Variants in ACTL8 observed in about 807,000 individuals in gnomAD.
The protein encoded by ACTL8 is actin-like protein 8.
A neutral mutation model predicts 9.3 loss-of-function variants in ACTL8; 3 were observed. The observed-to-expected ratio is 0.32, with a 90% CI of 0.15 to 0.83. The LOEUF (loss-of-function observed/expected upper bound fraction) is 0.83, where lower values mean the gene tolerates loss of function less well. ACTL8 is among the 40% of genes least tolerant of loss of function. The pLI is 0.57. For synonymous variants in ACTL8, 224 were observed against 205.9 expected (o/e 1.09, Z -0.75); for missense variants, 381 against 492.2 (o/e 0.77, Z 2.14).
chr1:17,797,890 T>G lies in ACTL8; in HGVS notation c.-24-25095T>G, dbSNP rs532503447. On this transcript the variant is annotated intron_variant, in intron 1 of 2. Transcript: ENST00000375406. ...GCCAATGTTCCTGGCAGGGGCTGGG[T>G]ACAGGGCAGGGGAGCAGGAAATCTG... 2.1e-4 allele frequency among the ~76,000 whole-genome samples: 32 copies of G among 152,162 alleles called. No homozygotes were observed. The South Asian group carries it at 6.4e-3, about 31-fold the overall frequency.
chr1:17,799,907 C>G (rs960312535), intron 1 of ACTL8, among the ~76,000 whole-genome samples: 2 of 151,564 alleles, frequency 1.3e-5, no homozygotes, highest in Non-Finnish European at 2.9e-5. Flanking sequence ...TCTTCACACA[C>G]AGGAGGTTCT....
chr1:17,811,010 G>A (rs758641628), intron 1 of ACTL8, among the ~76,000 whole-genome samples: 13 of 152,164 alleles, frequency 8.5e-5, no homozygotes, highest in Non-Finnish European at 1.5e-4. Flanking sequence ...ATAGGAATAG[G>A]ATTACTTGTT....
chr1:17,791,332 A>G (rs1276066880), intron 1 of ACTL8, among the ~76,000 whole-genome samples: 9 of 152,214 alleles, frequency 5.9e-5, no homozygotes, highest in East Asian at 1.9e-4. Context: ...TGCTGCCATC[A>G]CCTTGATACC....
chr1:17,772,772 A>G (rs1435629491), intron 1 of ACTL8, among the ~76,000 whole-genome samples: 1 of 152,156 alleles, frequency 6.6e-6, no homozygotes, highest in African/African-American at 2.4e-5. Flanking sequence ...CTCTGGAGCT[A>G]CAGGGACCCA....
chr1:17,809,804 A>G (rs746886975), intron 1 of ACTL8, among the ~76,000 whole-genome samples: 1 of 152,082 alleles, frequency 6.6e-6, no homozygotes, highest in African/African-American at 2.4e-5. Flanking sequence ...TTGTATAATT[A>G]TTTCATTGTA....
At chr1:17,755,914 T>C (rs2065966490) in intron 1 of ACTL8, among the ~76,000 whole-genome samples, 1 of 149,316 alleles carries the variant, frequency 6.7e-6, no homozygotes, top group South Asian at 2.1e-4. Flanking sequence ...GATATGGGGG[T>C]CTCTTTTTGG....
intron 1 of ACTL8, among the ~76,000 whole-genome samples, chr1:17,765,263 A>G (rs1321000857): frequency 1.3e-5 from 2 of 152,214 alleles, no homozygotes; most frequent in Admixed American, 6.5e-5. Flanking sequence ...GGCCAAGTGT[A>G]CTAAAGAGTA....
chr1:17,822,503 G>T (rs906569442), intron 1 of ACTL8, among the ~76,000 whole-genome samples: 18 of 152,180 alleles, frequency 1.2e-4, no homozygotes, highest in African/African-American at 4.3e-4. Context: ...CTAATACAAT[G>T]CCTGCTTCTG....
rs2053686779 is a variant in ACTL8, at chr1:17,823,844, C to A, written c.348+488C>A. 6.6e-6 allele frequency among the ~76,000 whole-genome samples: 1 copy of A among 152,198 alleles called. No individual in the cohort carries two copies. The stretch of plus-strand genomic sequence containing the variant: ...TAAGCAGGGGAGCTCACGGAGGCCC[C>A]ACCTGCAGACGGACATGCAGCAACC... On this transcript the variant is annotated intron_variant, in intron 2 of 2. Transcript: ENST00000375406. This position sits in a 1 kb window ranked among gnomAD's most constrained non-coding sequence, Gnocchi z 5.3.
chr1:17,820,702 G>C (rs1421441257), intron 1 of ACTL8, among the ~76,000 whole-genome samples: 2 of 151,970 alleles, frequency 1.3e-5, no homozygotes, highest in African/African-American at 4.8e-5. Context: ...CCAGTAGCTG[G>C]GATTACAGGT....
At chr1:17,821,894 G>A (rs1570048120) in intron 1 of ACTL8, among the ~76,000 whole-genome samples, 2 of 152,274 alleles carry the variant, frequency 1.3e-5, no homozygotes, top group African/African-American at 4.8e-5. Context: ...CCAAAGTGCT[G>A]AGATTACATG....
At chr1:17,785,374 G>C (rs948650134) in intron 1 of ACTL8, among the ~76,000 whole-genome samples, 1 of 152,216 alleles carries the variant, frequency 6.6e-6, no homozygotes, top group African/African-American at 2.4e-5. Flanking sequence ...CACTTGGTGA[G>C]CCATGTTGAC....
intron 1 of ACTL8, among the ~76,000 whole-genome samples, chr1:17,766,553 G>A (rs950953758): frequency 1.3e-5 from 2 of 152,192 alleles, no homozygotes; most frequent in Non-Finnish European, 2.9e-5. Context: ...AACCTTGGGC[G>A]CTGACAGCCT....
intron 1 of ACTL8, among the ~76,000 whole-genome samples, chr1:17,769,459 T>C (rs1569996975): frequency 6.6e-6 from 1 of 152,052 alleles, no homozygotes; most frequent in East Asian, 1.9e-4. Context: ...TTCTAGACTT[T>C]CCTTCCAGAC....
At chr1:17,822,114 A>T (rs966739993) in intron 1 of ACTL8, among the ~76,000 whole-genome samples, 8 of 152,186 alleles carry the variant, frequency 5.3e-5, no homozygotes, top group Non-Finnish European at 4.4e-5. Context: ...ATCAGGTGTT[A>T]GATGCTTAGC....
At chr1:17,760,017 A>G (rs576175250) in intron 1 of ACTL8, among the ~76,000 whole-genome samples, 1 of 152,294 alleles carries the variant, frequency 6.6e-6, no homozygotes, top group East Asian at 1.9e-4. Context: ...AGTGATGCCC[A>G]TTGTGCATAC....
intron 1 of ACTL8, among the ~76,000 whole-genome samples, chr1:17,812,427 C>CTTTTTTTT (rs141182523): frequency 1.6e-5 from 2 of 122,420 alleles, no homozygotes; most frequent in African/African-American, 3.1e-5. Flanking sequence ...ATTTTTTTTC[C>CTTTTTTTT]TTTTTTTTTT....
At chr1:17,788,451 C>T (rs1440206340) in intron 1 of ACTL8, among the ~76,000 whole-genome samples, 2 of 152,226 alleles carry the variant, frequency 1.3e-5, no homozygotes, top group Non-Finnish European at 2.9e-5. Context: ...ATGCCCTCAG[C>T]CCTCGGAGCA....
At chr1:17,788,256 CTG>C (rs1279035206) in intron 1 of ACTL8, among the ~76,000 whole-genome samples, 1 of 152,246 alleles carries the variant, frequency 6.6e-6, no homozygotes, top group African/African-American at 2.4e-5. Context: ...TAAAAAAAAT[CTG>C]TGTCTTCTTC....
Sources: allele counts gnomAD v4.1 joint callset (sites outside exome capture counted in the v4.1 genomes callset), GRCh38; gene constraint gnomAD v4.1.1; non-coding constraint Gnocchi (gnomAD v3.1); transcripts MANE v1.5; gene names NCBI Gene and HGNC (gene_info 2026-07-23, HGNC 2026-07-21).